The following TTC12 variants were observed in gnomAD, a reference collection of about 807,000 sequenced individuals.
TTC12 encodes tetratricopeptide repeat protein 12.
A neutral mutation model predicts 90.1 loss-of-function variants in TTC12; 70 were observed. The ratio of observed to expected loss-of-function variants is 0.78; its 90% confidence interval spans 0.64 to 0.95. TTC12 has a LOEUF of 0.95. Among genes scored for constraint, TTC12 ranks in the 40% least tolerant of loss-of-function variants. The probability of loss-of-function intolerance (pLI) is 0.00; values close to 1 mark genes in which losing one functional copy is unlikely to be tolerated. For missense variants in TTC12, 819 were observed against 846.1 expected (o/e 0.97, Z 0.40); for synonymous variants, 296 against 311.5 (o/e 0.95, Z 0.53).
At chr11:113,326,738 A>G (rs782087479) in intron 6 of TTC12, among the ~76,000 whole-genome samples, 2 of 152,248 alleles carry the variant, frequency 1.3e-5, no homozygotes, top group African/African-American at 2.4e-5. Context: ...AAGGAAGTGA[A>G]TCGGTAAAAA....
At chr11:113,336,550 A>T (rs893749587) in intron 8 of TTC12, among the ~76,000 whole-genome samples, 12 of 152,052 alleles carry the variant, frequency 7.9e-5, no homozygotes, top group African/African-American at 2.9e-4. Flanking sequence ...TTTTGAGTTC[A>T]TTTTTTGTAT....
At chr11:113,361,539 G>T (rs1555155010) in intron 18 of TTC12, among the ~76,000 whole-genome samples, 1 of 152,132 alleles carries the variant, frequency 6.6e-6, no homozygotes, top group Non-Finnish European at 1.5e-5. Flanking sequence ...ACAGAGAGCA[G>T]AAGTACAAGG....
chr11:113,332,729 T>C (rs1210129624), intron 7 of TTC12, among the ~76,000 whole-genome samples: 1 of 152,194 alleles, frequency 6.6e-6, no homozygotes, highest in Non-Finnish European at 1.5e-5. Flanking sequence ...GTCAGCTGCC[T>C]CCTGCAGGTG....
At chr11:113,338,635 C>T (rs1156998117) in intron 8 of TTC12, 139 bp from the exon 9 acceptor site, 1 of 589,686 alleles carries the variant, frequency 1.7e-6, no homozygotes, top group East Asian at 2.9e-5. Flanking sequence ...ACATTGTGTT[C>T]CTATGCCTGT....
At chr11:113,349,202 T>A (rs1436529483) in intron 13 of TTC12, among the ~76,000 whole-genome samples, 1 of 152,230 alleles carries the variant, frequency 6.6e-6, no homozygotes, top group Non-Finnish European at 1.5e-5. Context: ...GCTTCTTCAC[T>A]TCCATGCCCA....
chr11:113,324,071 T>C (rs1947530358), intron 4 of TTC12, 56 bp downstream of exon 4: 1 of 1,430,742 alleles, frequency 7.0e-7, no homozygotes, highest in Admixed American at 1.7e-5. Flanking sequence ...CCAGTTTTGA[T>C]TGATTGTAGC....
At chr11:113,347,121 C>CT (rs1565607960) in intron 13 of TTC12, among the ~76,000 whole-genome samples, 1 of 152,234 alleles carries the variant, frequency 6.6e-6, no homozygotes, top group Non-Finnish European at 1.5e-5. Context: ...GTTGTCTCAT[C>CT]TGTGCTATTC....
intron 7 of TTC12, 85 bp downstream of exon 7, chr11:113,330,064 G>T: frequency 9.4e-7 from 1 of 1,060,114 alleles, no homozygotes; most frequent in Non-Finnish European, 1.5e-6. Flanking sequence ...ATAGGAAAGG[G>T]TATAGCCTCT....
intron 9 of TTC12, 111 bp downstream of exon 9, chr11:113,338,945 C>A: frequency 1.1e-6 from 1 of 945,104 alleles, no homozygotes; most frequent in Non-Finnish European, 1.7e-6. Context: ...AGCGGCGGAT[C>A]CTCTTTCCTG....
chr11:113,347,051 C>T (rs1949010274), intron 13 of TTC12, among the ~76,000 whole-genome samples: 1 of 152,182 alleles, frequency 6.6e-6, no homozygotes, highest in Non-Finnish European at 1.5e-5. Context: ...TGCATTGTCA[C>T]ATAGTGAGGG....
In TTC12 at chr11:113,352,166, G is replaced by T; in HGVS notation, c.1405G>T (p.Ala469Ser). 1 of 1,614,220 alleles carries T rather than the reference G, an allele frequency of 6.2e-7. No homozygotes were observed. The highest frequency in any genetic ancestry group is 2.2e-5 in the East Asian group (1 of 44,882). Residue 469 changes from alanine to serine, a missense_variant, in exon 16 of 22, where the codon GCG becomes TCG. Transcript: ENST00000529221. ...TGAGCCCACTACCCGAAGACACATG[G>T]CGGCCTGTGAGGAATTTGGGGATGG... ...SAEPTTRRHM[A>S]ACEEFGDGCL...
chr11:113,329,606 G>T (rs753057178), intron 6 of TTC12: 2 of 498,460 alleles, frequency 4.0e-6, no homozygotes, highest in Non-Finnish European at 7.9e-6. Flanking sequence ...CCCACATTTT[G>T]TTCATTGCTC....
intron 21 of TTC12, chr11:113,365,634 G>A (rs1197460658): frequency 5.6e-6 from 1 of 177,178 alleles, no homozygotes. Context: ...TGTTAGCTCA[G>A]ACCTCCACTC....
chr11:113,366,467 C>T (rs1950219977), downstream of TTC12: 4 of 1,280,864 alleles, frequency 3.1e-6, no homozygotes, highest in Non-Finnish European at 4.2e-6. Flanking sequence ...ATTAGGCTGG[C>T]TGCTGTGGTG....
Position 113,365,007 on chromosome 11 carries a change from C to T in TTC12, c.1989C>T (p.Ala663=), listed in dbSNP as rs145542172. The T allele has an allele frequency of 1.4e-4, 222 of 1,613,998 alleles. No individual in the cohort carries two copies. The highest frequency in any genetic ancestry group is 3.3e-4 in the South Asian group (30 of 91,074). The change falls in exon 21 of 22, where the codon GCC becomes GCT. Residue 663 remains alanine (A), a synonymous_variant. Coordinates refer to ENST00000529221, the MANE Select transcript of TTC12 (RefSeq NM_017868.4). ...CAGGCAGTGACACACAGAAGACGGC[C>T]GTGCAGGTGAACGCAGGCATTGCTC... The part of the protein sequence containing the change: ...KLAGSDTQKT[A]VQVNAGIALG...
intron 12 of TTC12, among the ~76,000 whole-genome samples, chr11:113,343,255 A>T (rs1486078697): frequency 6.6e-6 from 1 of 152,200 alleles, no homozygotes; most frequent in Non-Finnish European, 1.5e-5. Flanking sequence ...GAATGGGCTT[A>T]CCCGGAGGGG....
rs782433468 is a variant in TTC12 at position 113,324,628 on chromosome 11, A to G, written c.268A>G (p.Lys90Glu). ...AGAGGCCTTCTTGGCATCTGTGGAG[A>G]AGGATGCAAAGGAACGAGCCAAGAG... The part of the protein sequence containing the change: ...NSEAFLASVE[K>E]DAKERAKRRR... The change falls in exon 5 of 22, where the codon AAG becomes GAG. Residue 90 changes from lysine (K) to glutamate (E), a missense_variant. Transcript: ENST00000529221. 1 of 1,613,936 alleles carries G rather than the reference A, an allele frequency of 6.2e-7. No individual in the cohort carries two copies.
intron 14 of TTC12, 152 bp downstream of exon 14, chr11:113,350,317 G>C: frequency 3.2e-6 from 2 of 617,598 alleles, no homozygotes; most frequent in Non-Finnish European, 5.6e-6. Context: ...TGCCTCCCAG[G>C]GGGCTGCAGC....
chr11:113,362,638 T>C, intron 19 of TTC12, 136 bp downstream of exon 19: 1 of 641,636 alleles, frequency 1.6e-6, no homozygotes, highest in Non-Finnish European at 2.8e-6. Context: ...ACTTCTTGGA[T>C]AGGGATTTGC....
Sources: allele counts gnomAD v4.1 joint callset (sites outside exome capture counted in the v4.1 genomes callset), GRCh38; gene constraint gnomAD v4.1.1; transcripts MANE v1.5; gene names NCBI Gene and HGNC (gene_info 2026-07-23, HGNC 2026-07-21).